Variants in ATOSA observed in about 807,000 individuals in gnomAD.
ATOSA encodes the protein atos homolog protein A.
At chr15:52,660,933 C>T in the ATOSA span, among the ~76,000 whole-genome samples, 4 of 152,198 alleles carry the variant, frequency 2.6e-5, no homozygotes, top group Admixed American at 6.5e-5. Flanking sequence ...GGATTACAGG[C>T]GTGAGCCACT....
At chr15:52,692,471 C>A in the ATOSA span, among the ~76,000 whole-genome samples, 1 of 151,994 alleles carries the variant, frequency 6.6e-6, no homozygotes, top group Admixed American at 6.6e-5. Context: ...ACCCTCACAC[C>A]TCAGCCTCCT....
chr15:52,635,900 G>C, the ATOSA span, among the ~76,000 whole-genome samples: 1 of 151,752 alleles, frequency 6.6e-6, no homozygotes, highest in African/African-American at 2.4e-5. Flanking sequence ...GGAGGCTGAG[G>C]CAGGAGAATT....
the ATOSA span, among the ~76,000 whole-genome samples, chr15:52,584,201 A>ATGG: frequency 4.0e-5 from 6 of 149,318 alleles, no homozygotes; most frequent in African/African-American, 1.5e-4. Flanking sequence ...CTGGAGTCCA[A>ATGG]TGGTGTGATC....
the ATOSA span, among the ~76,000 whole-genome samples, chr15:52,598,100 G>C: frequency 2.0e-5 from 3 of 151,974 alleles, no homozygotes; most frequent in African/African-American, 7.3e-5. Flanking sequence ...CTCAGACCTG[G>C]GGAACAGAGT....
chr15:52,685,142 C>T, the ATOSA span, among the ~76,000 whole-genome samples: 1 of 152,212 alleles, frequency 6.6e-6, no homozygotes, highest in Non-Finnish European at 1.5e-5. Context: ...GCTTACCCAG[C>T]ACTTCAGAAG....
At chr15:52,663,649 T>C in the ATOSA span, among the ~76,000 whole-genome samples, 1 of 152,178 alleles carries the variant, frequency 6.6e-6, no homozygotes, top group Non-Finnish European at 1.5e-5. Flanking sequence ...TGAGACAAGG[T>C]TACACTCTGT....
the ATOSA span, chr15:52,678,316 T>G: frequency 6.9e-6 from 4 of 580,570 alleles, no homozygotes; most frequent in Admixed American, 3.0e-5. Context: ...CCTGCCTCTG[T>G]GCTCTCCAGG....
chr15:52,633,017 C>A, the ATOSA span, among the ~76,000 whole-genome samples: 1 of 152,070 alleles, frequency 6.6e-6, no homozygotes, highest in Non-Finnish European at 1.5e-5. Flanking sequence ...GGAGTAAGAT[C>A]TAGTAAGTCC....
At chr15:52,680,518 T>A in the ATOSA span, among the ~76,000 whole-genome samples, 7 of 152,244 alleles carry the variant, frequency 4.6e-5, no homozygotes, top group Non-Finnish European at 1.0e-4. Context: ...TTTTATAAAC[T>A]GCAAGATTGG....
At chr15:52,581,479 G>C in the ATOSA span, 1 of 152,180 alleles carries the variant, frequency 6.6e-6, no homozygotes, top group African/African-American at 2.4e-5. Context: ...TTGGGGATAA[G>C]GAATCCTGGC....
the ATOSA span, among the ~76,000 whole-genome samples, chr15:52,629,903 A>C: frequency 3.3e-5 from 5 of 152,230 alleles, no homozygotes. Context: ...AGGGAGAAAC[A>C]AAACAAATGA....
chr15:52,676,104 A>G, the ATOSA span, among the ~76,000 whole-genome samples: 1 of 152,246 alleles, frequency 6.6e-6, no homozygotes, highest in African/African-American at 2.4e-5. Flanking sequence ...TAAACTAGAG[A>G]CAAAAAAATC....
At chr15:52,614,555 T>G in the ATOSA span, among the ~76,000 whole-genome samples, 1 of 151,910 alleles carries the variant, frequency 6.6e-6, no homozygotes. Context: ...CCTATAATAA[T>G]TATATTTTCG....
At chr15:52,642,543 A>C in the ATOSA span, among the ~76,000 whole-genome samples, 34 of 152,242 alleles carry the variant, frequency 2.2e-4, no homozygotes, top group African/African-American at 8.2e-4. Flanking sequence ...TAACTCTTAC[A>C]TCTAGCCTGC....
At chr15:52,664,831 G>C in the ATOSA span, among the ~76,000 whole-genome samples, 2 of 152,052 alleles carry the variant, frequency 1.3e-5, no homozygotes, top group South Asian at 4.1e-4. Flanking sequence ...TTAGTTGCTT[G>C]GGAGGCTGAG....
chr15:52,592,055 G>A, the ATOSA span, among the ~76,000 whole-genome samples: 3 of 152,206 alleles, frequency 2.0e-5, no homozygotes, highest in South Asian at 6.2e-4. Flanking sequence ...TGAAGAAACT[G>A]GGCCAGTAAT....
At chr15:52,650,624 G>C in the ATOSA span, among the ~76,000 whole-genome samples, 2 of 152,152 alleles carry the variant, frequency 1.3e-5, no homozygotes, top group Non-Finnish European at 2.9e-5. Flanking sequence ...ACACTGTTAA[G>C]ACTTTCTAAT....
chr15:52,592,505 T>TA, the ATOSA span, among the ~76,000 whole-genome samples: 1 of 152,142 alleles, frequency 6.6e-6, no homozygotes, highest in South Asian at 2.1e-4. Flanking sequence ...GCCATTGGAA[T>TA]AAAAAAATTG....
At chr15:52,678,021 T>C in the ATOSA span, 1 of 1,614,038 alleles carries the variant, frequency 6.2e-7, no homozygotes. Flanking sequence ...TCTGGCTTCA[T>C]TTTCACATCC....
Sources: gnomAD v4.1 joint callset for allele counts (sites outside exome capture counted in the v4.1 genomes callset) on GRCh38, gnomAD v4.1.1 for gene constraint, MANE v1.5 for transcripts, NCBI Gene and HGNC (gene_info 2026-07-23, HGNC 2026-07-21) for gene names.